AGMO: variants seen among roughly 807,000 people sequenced by gnomAD.
The protein encoded by AGMO is alkylglycerol monooxygenase.
A neutral mutation model predicts 60.2 loss-of-function variants in AGMO; 75 were observed. The ratio of observed to expected loss-of-function variants is 1.25; its 90% CI spans 1.03 to 1.51. The LOEUF is 1.51. Among genes scored for constraint, AGMO ranks in the 40% most tolerant of loss-of-function variants. The probability of loss-of-function intolerance (pLI) is 0.00; values close to 1 mark genes in which losing one functional copy is unlikely to be tolerated. For synonymous variants in AGMO, 261 were observed against 177.1 expected (o/e 1.47, Z -3.76); for missense variants, 763 against 525.5 (o/e 1.45, Z -4.42).
Position 15,561,796 on chromosome 7 carries a change from C to T in AGMO, c.50G>A (p.Arg17His), listed in dbSNP as rs746980089. The T allele has an allele frequency of 8.1e-6, 13 of 1,610,052 alleles. No homozygotes were observed. The highest frequency in any genetic ancestry group is 3.3e-5 in the Admixed American group (2 of 59,744). ...QQDVSVSQGF[R>H]MLFYTMKPSE... The stretch of plus-strand genomic sequence containing the variant: ...GGGTTTCATCGTGTAAAACAACATG[C>T]GAAATCCCTGGGAAACTGAAACATC... Residue 17 changes from arginine (R) to histidine (H), a missense_variant, in exon 1 of 13, where the codon CGC becomes CAC. Physicochemically the swap from Arg to His is conservative, Grantham distance 29 (BLOSUM62 0). Transcript: ENST00000342526.
chr7:15,476,306 A>G (rs1205632441), intron 3 of AGMO, among the ~76,000 whole-genome samples: 1 of 152,108 alleles, frequency 6.6e-6, no homozygotes, highest in East Asian at 1.9e-4. Context: ...ACTTTAATCC[A>G]CATATGGATT....
chr7:15,322,050 A>C (rs1475293975), intron 12 of AGMO, among the ~76,000 whole-genome samples: 2 of 152,052 alleles, frequency 1.3e-5, no homozygotes, highest in Non-Finnish European at 2.9e-5. Context: ...ATGCACATGT[A>C]GTCTCAGCTA....
At chr7:15,303,802 G>C (rs1299772031) in intron 12 of AGMO, among the ~76,000 whole-genome samples, 1 of 152,062 alleles carries the variant, frequency 6.6e-6, no homozygotes, top group Non-Finnish European at 1.5e-5. Flanking sequence ...GGAAATACAT[G>C]TATGTATACT....
chr7:15,132,284 T>G, the AGMO span, among the ~76,000 whole-genome samples: 2 of 152,178 alleles, frequency 1.3e-5, no homozygotes, highest in Admixed American at 6.6e-5. Flanking sequence ...TACTTCAATA[T>G]TTCAGGCACT....
At chr7:15,183,278 A>G in the AGMO span, among the ~76,000 whole-genome samples, 2 of 152,272 alleles carry the variant, frequency 1.3e-5, no homozygotes, top group Middle Eastern at 3.4e-3. Flanking sequence ...ACAAAACTGG[A>G]AGAAGATTCA....
chr7:15,219,542 G>A (rs928386060), intron 12 of AGMO, among the ~76,000 whole-genome samples: 3 of 152,092 alleles, frequency 2.0e-5, no homozygotes, highest in African/African-American at 7.2e-5. Context: ...GTCTGATCCT[G>A]AGAAGCACAA....
chr7:15,366,713 TTC>T (rs1782998811), intron 10 of AGMO, among the ~76,000 whole-genome samples: 1 of 152,058 alleles, frequency 6.6e-6, no homozygotes, highest in African/African-American at 2.4e-5. Context: ...TCATATTTGA[TTC>T]AATCTACATG....
chr7:15,490,810 G>T (rs1348299578), intron 3 of AGMO, among the ~76,000 whole-genome samples: 1 of 152,080 alleles, frequency 6.6e-6, no homozygotes, highest in Non-Finnish European at 1.5e-5. Context: ...TAGAATACCT[G>T]TTGTCTGCCC....
chr7:15,289,947 T>C (rs1430641589), intron 12 of AGMO, among the ~76,000 whole-genome samples: 2 of 143,020 alleles, frequency 1.4e-5, no homozygotes, highest in Admixed American at 1.4e-4. Context: ...AGAAATCTTT[T>C]TTTTTTTTTT....
chr7:15,352,089 C>T (rs1172437311), intron 12 of AGMO, among the ~76,000 whole-genome samples: 1 of 152,136 alleles, frequency 6.6e-6, no homozygotes, highest in East Asian at 1.9e-4. Context: ...ATAACAAATG[C>T]TCTTTTACCA....
intron 3 of AGMO, among the ~76,000 whole-genome samples, chr7:15,486,918 A>T (rs1782938256): frequency 6.6e-6 from 1 of 152,220 alleles, no homozygotes; most frequent in South Asian, 2.1e-4. Flanking sequence ...AAGAACCACT[A>T]AGGCAATAAT....
chr7:15,153,164 G>A, the AGMO span, among the ~76,000 whole-genome samples: 2 of 141,990 alleles, frequency 1.4e-5, no homozygotes, highest in South Asian at 4.8e-4. Flanking sequence ...CATATCCTTA[G>A]CTTGGTTTTT....
At chr7:15,238,710 G>A (rs996192042) in intron 12 of AGMO, among the ~76,000 whole-genome samples, 5 of 151,806 alleles carry the variant, frequency 3.3e-5, no homozygotes, top group African/African-American at 1.2e-4. Flanking sequence ...AATGTTCAGA[G>A]AAATGGAGAA....
chr7:15,461,058 T>C (rs926716362), intron 3 of AGMO, among the ~76,000 whole-genome samples: 6 of 152,124 alleles, frequency 3.9e-5, no homozygotes, highest in African/African-American at 1.2e-4. Context: ...CCTGCTCTAA[T>C]AGGGCCCACT....
chr7:15,265,324 AC>A (rs1783400083), intron 12 of AGMO, among the ~76,000 whole-genome samples: 2 of 151,918 alleles, frequency 1.3e-5, no homozygotes, highest in African/African-American at 4.8e-5. Flanking sequence ...CTAAAGAACT[AC>A]CTGTTGGGTA....
At chr7:15,479,350 C>T (rs950688254) in intron 3 of AGMO, among the ~76,000 whole-genome samples, 16 of 151,998 alleles carry the variant, frequency 1.1e-4, no homozygotes, top group African/African-American at 3.6e-4. Context: ...ATTCTAAGTC[C>T]ACAGAAACTT....
intron 3 of AGMO, among the ~76,000 whole-genome samples, chr7:15,476,862 A>T (rs76650509): frequency 1.3e-5 from 2 of 152,100 alleles, no homozygotes; most frequent in Non-Finnish European, 2.9e-5. Context: ...TATTTTATGG[A>T]TGAGGAAATG....
intron 2 of AGMO, among the ~76,000 whole-genome samples, chr7:15,548,997 G>C (rs1280920297): frequency 5.3e-5 from 8 of 150,706 alleles, no homozygotes; most frequent in South Asian, 2.1e-4. Flanking sequence ...CCAGAAGAGA[G>C]TGGGGGCCAA....
chr7:15,339,905 G>A (rs920846847), intron 12 of AGMO, among the ~76,000 whole-genome samples: 5 of 152,130 alleles, frequency 3.3e-5, no homozygotes, highest in Non-Finnish European at 5.9e-5. Flanking sequence ...TTAATATTTA[G>A]CTAAGGGTAA....
Sources: allele counts gnomAD v4.1 joint callset (sites outside exome capture counted in the v4.1 genomes callset), GRCh38; gene constraint gnomAD v4.1.1; transcripts MANE v1.5; gene names NCBI Gene and HGNC (gene_info 2026-07-23, HGNC 2026-07-21).